FEM1C: variants seen among roughly 807,000 people sequenced by gnomAD.
FEM1C encodes fem-1 homolog C.
Under a neutral mutation model 37.6 loss-of-function variants are expected in FEM1C, and 15 were observed. That is an observed-to-expected ratio of 0.40 (90% CI 0.27 to 0.61). The LOEUF (loss-of-function observed/expected upper bound fraction) is 0.61. FEM1C is among the 20% of genes least tolerant of loss of function. The pLI, the probability that FEM1C is intolerant of heterozygous loss-of-function variation, is 0.42. For synonymous variants in FEM1C, 287 were observed against 272.8 expected (o/e 1.05, Z -0.51); for missense variants, 532 against 749.7 (o/e 0.71, Z 3.39).
intron 1 of FEM1C, 128 bp from the exon 2 acceptor site, chr5:115,543,811 A>ACC: frequency 9.9e-7 from 1 of 1,008,074 alleles, no homozygotes; most frequent in Middle Eastern, 4.8e-4. Context: ...CATCCCACAC[A>ACC]CCCCCCCCAC....
intron 2 of FEM1C, among the ~76,000 whole-genome samples, chr5:115,526,379 A>G (rs1016548548): frequency 6.6e-6 from 1 of 152,146 alleles, no homozygotes; most frequent in Non-Finnish European, 1.5e-5. Flanking sequence ...TTAAAAGGAG[A>G]TATCTGAAGT....
intron 2 of FEM1C, among the ~76,000 whole-genome samples, chr5:115,536,148 A>C (rs1048921036): frequency 6.6e-6 from 1 of 151,922 alleles, no homozygotes; most frequent in Non-Finnish European, 1.5e-5. Context: ...GATAGTTGTG[A>C]TGGTTGTATA....
At chr5:115,528,803 A>T (rs564865837) in intron 2 of FEM1C, among the ~76,000 whole-genome samples, 3 of 152,296 alleles carry the variant, frequency 2.0e-5, no homozygotes, top group South Asian at 4.1e-4. Flanking sequence ...GCAGTTTATC[A>T]ACACAGATTT....
In FEM1C at chr5:115,521,250, C is replaced by T. The variant is rs1355609826; in HGVS notation, c.*3058G>A. 6.6e-6 allele frequency: 1 copy of T among 151,606 alleles called. No individual in the cohort carries two copies. The highest frequency in any genetic ancestry group is 2.4e-5 in the African/African-American group (1 of 41,370). The allele number at this position is 151,606 out of a possible 1,614,324, so 9.4% of individuals were successfully genotyped here. A position where few individuals can be genotyped will look rare whatever the true frequency, so the allele number is the denominator to read the frequency against. Reference sequence around the variant, plus strand: ...TGCACAATTCTAAGAAAATTAATTACAAAAATTATCATACCTGTAAATTCA... The same window carrying T: ...TGCACAATTCTAAGAAAATTAATTATAAAAATTATCATACCTGTAAATTCA... On this transcript the variant is annotated 3_prime_UTR_variant, in exon 3 of 3. Transcript: ENST00000274457.
intron 2 of FEM1C, among the ~76,000 whole-genome samples, chr5:115,542,594 G>C (rs1754264413): frequency 6.7e-6 from 1 of 149,262 alleles, no homozygotes; most frequent in Admixed American, 6.7e-5. Flanking sequence ...AAAAAGCTAA[G>C]AAAAATGTAT....
Position 115,543,093 on chromosome 5 carries a change from T to C in FEM1C, c.401A>G (p.Tyr134Cys). 3.1e-6 allele frequency: 5 copies of C among 1,614,212 alleles called. No individual in the cohort carries two copies. Among genetic ancestry groups the C allele is most frequent in the Non-Finnish European group, 4.2e-6 (5 of 1,180,040 alleles). Residue 134 changes from tyrosine (Y) to cysteine (C), a missense_variant, in exon 2 of 3, where the codon TAC (tyrosine) becomes TGC (cysteine). Around this residue, in one of 3 missense-constraint regions of FEM1C, gnomAD observed 221 missense variants for 404.1 expected, o/e 0.55. Coordinates refer to ENST00000274457, the MANE Select transcript of FEM1C (RefSeq NM_020177.3). ...CAAATCAGCTTTGTGTTCTACAAGG[T>C]ACTTCACTATTTCCAAATGGCCATC... is the stretch of plus-strand genomic sequence containing the variant. ...CFDGHLEIVK[Y>C]LVEHKADLEV...
chr5:115,535,892 G>A (rs1485412479), intron 2 of FEM1C, among the ~76,000 whole-genome samples: 1 of 151,942 alleles, frequency 6.6e-6, no homozygotes, highest in Non-Finnish European at 1.5e-5. Flanking sequence ...GCAATAAAAA[G>A]AAAAGCACTC....
In FEM1C at chr5:115,543,410, T is replaced by C. The variant is rs1185882885; in HGVS notation, c.84A>G (p.Lys28=). The change falls in exon 2 of 3, where the codon AAA becomes AAG. Residue 28 remains lysine (K), a synonymous_variant. Coordinates refer to ENST00000274457, the MANE Select transcript of FEM1C (RefSeq NM_020177.3). ...CAGAGATCAAGGAGGAAACCTCCTCTTTGGATTTGCTTGCCAACAATTTGG... is the reference window on the plus strand; with the variant it reads ...CAGAGATCAAGGAGGAAACCTCCTCCTTGGATTTGCTTGCCAACAATTTGG... ...LLTKLLASKS[K]EEVSSLISEK... 7.4e-6 allele frequency: 12 copies of C among 1,614,064 alleles called. No individual in the cohort carries two copies. Among genetic ancestry groups the C allele is most frequent in the Middle Eastern group, 1.6e-4 (1 of 6,082 alleles).
chr5:115,543,252 A>G lies in FEM1C; in HGVS notation c.242T>C (p.Ile81Thr), dbSNP rs765602133. ...GGSVNFDGETIEGAPPLWAAS... is the reference protein window; with the variant it reads ...GGSVNFDGETTEGAPPLWAAS... Reference sequence around the variant, plus strand: ...GGCCCATAAAGGGGGAGCCCCCTCAATGGTTTCGCCATCAAAATTGACGGA... The same window carrying G: ...GGCCCATAAAGGGGGAGCCCCCTCAGTGGTTTCGCCATCAAAATTGACGGA... The change falls in exon 2 of 3, where the codon ATT (isoleucine) becomes ACT (threonine). Residue 81 changes from isoleucine to threonine, a missense_variant. Ile to Thr is a moderately conservative substitution (Grantham distance 89). Around this residue, in one of 3 missense-constraint regions of FEM1C, gnomAD observed 221 missense variants for 404.1 expected, o/e 0.55. Transcript: ENST00000274457. The G allele has an allele frequency of 1.2e-6, 2 of 1,614,174 alleles. No homozygotes were observed. The highest frequency in any genetic ancestry group is 2.2e-5 in the East Asian group (1 of 44,888).
chr5:115,530,198 T>C (rs1753986201), intron 2 of FEM1C, among the ~76,000 whole-genome samples: 1 of 151,946 alleles, frequency 6.6e-6, no homozygotes, highest in Non-Finnish European at 1.5e-5. Context: ...AAGTGAAAGT[T>C]TGGGAAAAAA....
chr5:115,544,060 C>T (rs1754301786), intron 1 of FEM1C: 1 of 985,274 alleles, frequency 1.0e-6, no homozygotes, highest in East Asian at 1.1e-4. Context: ...CTTGCAACTG[C>T]AGGAGAGCTG....
intron 2 of FEM1C, among the ~76,000 whole-genome samples, chr5:115,528,355 A>G (rs1753947383): frequency 6.6e-6 from 1 of 152,176 alleles, no homozygotes; most frequent in East Asian, 1.9e-4. Flanking sequence ...CCAATTCTGG[A>G]AGAGCTAGCT....
At chr5:115,543,811 A>ACCC in intron 1 of FEM1C, 128 bp from the exon 2 acceptor site, 1 of 1,008,082 alleles carries the variant, frequency 9.9e-7, no homozygotes, top group Non-Finnish European at 1.2e-6. Context: ...CATCCCACAC[A>ACCC]CCCCCCCCAC....
At chr5:115,536,882 C>G (rs1754140388) in intron 2 of FEM1C, among the ~76,000 whole-genome samples, 2 of 151,806 alleles carry the variant, frequency 1.3e-5, no homozygotes. Flanking sequence ...TTCTTATAAC[C>G]TGAGGGAGAT....
rs952972940 is a variant in FEM1C at position 115,522,226 on chromosome 5, G to A, written c.*2082C>T. On this transcript the variant is annotated 3_prime_UTR_variant, in exon 3 of 3. Coordinates refer to ENST00000274457, the MANE Select transcript of FEM1C (RefSeq NM_020177.3). ...ATCAACTAATGTAATTTACTATAAT[G>A]GCAAAGTTTTCCTTTATAAAAATAA... The A allele has an allele frequency of 2.7e-5, 4 of 150,224 alleles. No homozygotes were observed. Among genetic ancestry groups the A allele is most frequent in the African/African-American group, 9.8e-5 (4 of 40,952 alleles). 9.3% of individuals were successfully genotyped at this position (150,224 alleles called of 1,614,324 possible).
At chr5:115,535,403 A>C (rs893372260) in intron 2 of FEM1C, among the ~76,000 whole-genome samples, 1 of 151,898 alleles carries the variant, frequency 6.6e-6, no homozygotes, top group Non-Finnish European at 1.5e-5. Context: ...AAGATAACCC[A>C]GTTATAAAAC....
rs1753782713 is a variant in FEM1C, at chr5:115,521,854, A to C, written c.*2454T>G. 6.6e-6 allele frequency: 1 copy of C among 151,938 alleles called. No homozygotes were observed. Among genetic ancestry groups the C allele is most frequent in the Non-Finnish European group, 1.5e-5 (1 of 67,866 alleles). 9.4% of individuals were successfully genotyped at this position (151,938 alleles called of 1,614,324 possible). On this transcript the variant is annotated 3_prime_UTR_variant, in exon 3 of 3. Coordinates refer to ENST00000274457, the MANE Select transcript of FEM1C (RefSeq NM_020177.3). ...TATGAAACAATTTTCCCTAAAAGAAAATAAAATCAGGGACAATTTTGAGCT... is the reference window on the plus strand; with the variant it reads ...TATGAAACAATTTTCCCTAAAAGAACATAAAATCAGGGACAATTTTGAGCT...
Position 115,525,667 on chromosome 5 carries a change from T to C in FEM1C, c.545-50A>G, listed in dbSNP as rs754652651. On this transcript the variant is annotated intron_variant, in intron 2 of 2. Coordinates refer to ENST00000274457, the MANE Select transcript of FEM1C (RefSeq NM_020177.3). The stretch of plus-strand genomic sequence containing the variant: ...AATAACATACATTGAGGGACCAAAA[T>C]ATAATGTAATATATATATGCACTTT... 9.0e-6 allele frequency: 12 copies of C among 1,332,758 alleles called. No individual in the cohort carries two copies. The South Asian group carries it at 1.2e-4, about 14-fold the overall frequency. 82.6% of individuals were successfully genotyped at this position (1,332,758 alleles called of 1,614,324 possible). A position where few individuals can be genotyped will look rare whatever the true frequency, so the allele number is the denominator to read the frequency against.
At chr5:115,536,522 C>T (rs181147072) in intron 2 of FEM1C, among the ~76,000 whole-genome samples, 1 of 151,652 alleles carries the variant, frequency 6.6e-6, no homozygotes, top group Admixed American at 6.6e-5. Flanking sequence ...TATTTTATTC[C>T]CTGAATAACT....
Sources: allele counts gnomAD v4.1 joint callset (sites outside exome capture counted in the v4.1 genomes callset), GRCh38; gene constraint gnomAD v4.1.1; regional missense constraint gnomAD v4.1.1; transcripts MANE v1.5; gene names NCBI Gene and HGNC (gene_info 2026-07-23, HGNC 2026-07-21).